The following SLC36A1 variants were observed in gnomAD, a reference collection of about 807,000 sequenced individuals.
SLC36A1 encodes proton-coupled amino acid transporter 1.
SLC36A1 carries 30 observed loss-of-function variants against 47.5 expected under a neutral mutation model. The observed-to-expected ratio is 0.63, with a 90% confidence interval of 0.47 to 0.86. The LOEUF (loss-of-function observed/expected upper bound fraction) is 0.86. Ranked by LOEUF, SLC36A1 falls within the 40% of genes least tolerant of loss-of-function variation. SLC36A1 has a pLI of 0.00. For synonymous variants in SLC36A1, 255 were observed against 249.7 expected (o/e 1.02, Z -0.20); for missense variants, 517 against 606.0 (o/e 0.85, Z 1.54).
At chr5:151,483,220 T>C (rs927171786) in intron 10 of SLC36A1, among the ~76,000 whole-genome samples, 2 of 152,242 alleles carry the variant, frequency 1.3e-5, no homozygotes, top group Non-Finnish European at 2.9e-5. Context: ...AAGTCAGCTC[T>C]TTCTGATGCT....
At chr5:151,423,026 GAAAAGATGC>G in the SLC36A1 span, among the ~76,000 whole-genome samples, 1 of 152,164 alleles carries the variant, frequency 6.6e-6, no homozygotes, top group Non-Finnish European at 1.5e-5. Flanking sequence ...ATAAGCATAT[GAAAAGATGC>G]TCCACATCAT....
the SLC36A1 span, chr5:151,511,246 T>C: frequency 1.3e-5 from 2 of 152,062 alleles, no homozygotes; most frequent in East Asian, 1.9e-4. Flanking sequence ...GAAAAAGGGG[T>C]AATGCGAAGT....
chr5:151,364,567 A>G, the SLC36A1 span, among the ~76,000 whole-genome samples: 5 of 152,314 alleles, frequency 3.3e-5, no homozygotes, highest in Admixed American at 6.5e-5. Flanking sequence ...TACTTGTACT[A>G]TTAAGGATCT....
intron 7 of SLC36A1, among the ~76,000 whole-genome samples, chr5:151,468,289 ATATATTTT>A (rs1367077988): frequency 4.6e-4 from 46 of 100,436 alleles, no homozygotes; most frequent in African/African-American, 1.9e-3. Context: ...ATATATATAT[ATATATTTT>A]ATATATATAT....
chr5:151,348,835 T>A, the SLC36A1 span, among the ~76,000 whole-genome samples: 1 of 152,168 alleles, frequency 6.6e-6, no homozygotes, highest in Non-Finnish European at 1.5e-5. Context: ...AGGTTTTTTT[T>A]GGTTGTTGTT....
the SLC36A1 span, chr5:151,540,772 A>G: frequency 3.1e-6 from 5 of 1,609,518 alleles, no homozygotes; most frequent in Admixed American, 8.3e-5. Context: ...CTCTAAACAG[A>G]TGGGGCAGAG....
At chr5:151,474,178 A>AAAAAAAAAAAAAAAAAAAAGAGAG (rs776318482) in intron 8 of SLC36A1, among the ~76,000 whole-genome samples, 1 of 119,008 alleles carries the variant, frequency 8.4e-6, no homozygotes, top group African/African-American at 4.5e-5. Context: ...AAAAAAAAAA[A>AAAAAAAAAAAAAAAAAAAAGAGAG]AGAAATTATC....
intron 1 of SLC36A1, among the ~76,000 whole-genome samples, chr5:151,450,600 G>A (rs1753511081): frequency 6.6e-6 from 1 of 152,230 alleles, no homozygotes; most frequent in African/African-American, 2.4e-5. Context: ...CATGTAGAGT[G>A]GATGGAGCTG....
intron 3 of SLC36A1, among the ~76,000 whole-genome samples, chr5:151,463,886 G>A (rs1561748983): frequency 6.6e-6 from 1 of 152,178 alleles, no homozygotes; most frequent in Non-Finnish European, 1.5e-5. Context: ...TGCCCTCATG[G>A]AGCTTACTTC....
the SLC36A1 span, among the ~76,000 whole-genome samples, chr5:151,401,150 A>G: frequency 6.6e-6 from 1 of 152,150 alleles, no homozygotes; most frequent in Non-Finnish European, 1.5e-5. Flanking sequence ...TTATAGTTTC[A>G]GGTCCTACAT....
the SLC36A1 span, among the ~76,000 whole-genome samples, chr5:151,554,885 G>A: frequency 6.6e-6 from 1 of 152,360 alleles, no homozygotes; most frequent in South Asian, 2.1e-4. Flanking sequence ...AGAACTGGAA[G>A]AAGACAGAGT....
the SLC36A1 span, among the ~76,000 whole-genome samples, chr5:151,396,725 A>G: frequency 6.6e-6 from 1 of 152,310 alleles, no homozygotes; most frequent in East Asian, 1.9e-4. Flanking sequence ...TAACTTAGTG[A>G]GTCTCTTCTA....
chr5:151,356,295 G>A, the SLC36A1 span, among the ~76,000 whole-genome samples: 659 of 126,546 alleles, frequency 5.2e-3, 5 homozygotes, highest in Non-Finnish European at 5.6e-3. Flanking sequence ...CTGAGATCAC[G>A]CCACTGCACT....
chr5:151,474,389 A>G (rs1026555678), intron 8 of SLC36A1, among the ~76,000 whole-genome samples: 1 of 152,082 alleles, frequency 6.6e-6, no homozygotes, highest in Admixed American at 6.6e-5. Flanking sequence ...TCAGACTGAC[A>G]TGGGGGTAAG....
At position 151,488,072 on chromosome 5, in the gene SLC36A1, C is replaced by T. The variant is rs751395217; in HGVS notation, c.1249C>T (p.Pro417Ser). 5.0e-6 allele frequency: 8 copies of T among 1,614,158 alleles called. No individual in the cohort carries two copies. In the East Asian group the frequency reaches 1.8e-4, roughly 36 times the overall value. ...CAGCGCCCTGGCCCTCATCATCCCA[C>T]CGCTCCTGGAGGTCACCACCTTCTA... ...SSSALALIIP[P>S]LLEVTTFYSE... The change falls in exon 11 of 11, where the codon CCG becomes TCG. Residue 417 changes from proline to serine, a missense_variant. Physicochemically the swap from Pro to Ser is moderately conservative, Grantham distance 74 (BLOSUM62 -1). Transcript: ENST00000243389.
intron 1 of SLC36A1, among the ~76,000 whole-genome samples, chr5:151,442,180 A>G (rs930596904): frequency 6.6e-6 from 1 of 152,110 alleles, no homozygotes; most frequent in African/African-American, 2.4e-5. Flanking sequence ...GTTTTTGTGT[A>G]TATTTAGCAT....
At chr5:151,469,778 A>G (rs562451044) in intron 7 of SLC36A1, among the ~76,000 whole-genome samples, 1 of 151,262 alleles carries the variant, frequency 6.6e-6, no homozygotes, top group African/African-American at 2.4e-5. Flanking sequence ...TATTCTTGAT[A>G]TATGTATGAT....
chr5:151,349,271 G>A, the SLC36A1 span, among the ~76,000 whole-genome samples: 3 of 152,008 alleles, frequency 2.0e-5, no homozygotes, highest in Non-Finnish European at 4.4e-5. Context: ...GGGGTGGCTG[G>A]AATATCAGTG....
intron 5 of SLC36A1, among the ~76,000 whole-genome samples, chr5:151,466,793 T>A (rs1182085671): frequency 6.6e-6 from 1 of 152,152 alleles, no homozygotes; most frequent in African/African-American, 2.4e-5. Context: ...TGTCTGTGCA[T>A]GTGTCTCACC....
Sources: allele counts gnomAD v4.1 joint callset (sites outside exome capture counted in the v4.1 genomes callset), GRCh38; gene constraint gnomAD v4.1.1; transcripts MANE v1.5; gene names NCBI Gene and HGNC (gene_info 2026-07-23, HGNC 2026-07-21).